Variants in DGKB observed in about 807,000 individuals in gnomAD.
The protein encoded by DGKB is diacylglycerol kinase beta.
Under a neutral mutation model 114.3 loss-of-function variants are expected in DGKB, and 67 were observed. The ratio of observed to expected loss-of-function variants is 0.59; its 90% confidence interval spans 0.48 to 0.72. The LOEUF is 0.72. Ranked by LOEUF, DGKB falls within the 30% of genes least tolerant of loss-of-function variation. DGKB has a pLI of 0.00. For missense variants in DGKB, 907 were observed against 975.2 expected (o/e 0.93, Z 0.93); for synonymous variants, 398 against 323.1 (o/e 1.23, Z -2.49).
chr7:14,508,617 CT>C (rs1457190432), intron 20 of DGKB, among the ~76,000 whole-genome samples: 1 of 152,174 alleles, frequency 6.6e-6, no homozygotes, highest in Non-Finnish European at 1.5e-5. Flanking sequence ...CCCAGAATCT[CT>C]ACACCTTACT....
intron 23 of DGKB, among the ~76,000 whole-genome samples, chr7:14,313,826 G>A (rs1032250374): frequency 9.9e-4 from 151 of 152,294 alleles, no homozygotes; most frequent in African/African-American, 3.1e-3. Context: ...ACCTCTGGGG[G>A]CAGGGCACAG....
chr7:14,387,871 G>A (rs1820668627), intron 21 of DGKB, among the ~76,000 whole-genome samples: 1 of 141,424 alleles, frequency 7.1e-6, no homozygotes, highest in African/African-American at 2.5e-5. Flanking sequence ...ATCAGTTGAA[G>A]TGTCCTTTTC....
At chr7:14,782,187 G>C (rs576973834) in intron 2 of DGKB, among the ~76,000 whole-genome samples, 162 of 152,048 alleles carry the variant, frequency 1.1e-3, no homozygotes, top group African/African-American at 3.7e-3. Flanking sequence ...ACCAAACTCA[G>C]GCAATTTTTT....
intron 17 of DGKB, among the ~76,000 whole-genome samples, chr7:14,595,318 C>A (rs1802385946): frequency 6.6e-6 from 1 of 151,834 alleles, no homozygotes; most frequent in Admixed American, 6.6e-5. Flanking sequence ...TCTTTTTATT[C>A]ATCAAGTTAG....
intron 2 of DGKB, among the ~76,000 whole-genome samples, chr7:14,762,143 G>A (rs1220480634): frequency 6.6e-6 from 1 of 152,116 alleles, no homozygotes; most frequent in Non-Finnish European, 1.5e-5. Flanking sequence ...TTTCATCACT[G>A]TCAGAATCAA....
chr7:14,217,201 T>C (rs1356303167), intron 23 of DGKB, among the ~76,000 whole-genome samples: 1 of 149,018 alleles, frequency 6.7e-6, no homozygotes, highest in East Asian at 2.0e-4. Context: ...GTCCTATTTA[T>C]TTATTAAAAT....
chr7:14,948,896 A>G (rs1418854211), intron 1 of DGKB, among the ~76,000 whole-genome samples: 1 of 151,860 alleles, frequency 6.6e-6, no homozygotes, highest in East Asian at 1.9e-4. Context: ...AAATAAAGAA[A>G]TAGAAATATG....
At chr7:14,163,510 T>G (rs1397024791) in intron 25 of DGKB, among the ~76,000 whole-genome samples, 1 of 152,228 alleles carries the variant, frequency 6.6e-6, no homozygotes, top group Non-Finnish European at 1.5e-5. Flanking sequence ...CAAAAGCATT[T>G]ACTAATGAAG....
intron 23 of DGKB, among the ~76,000 whole-genome samples, chr7:14,207,843 C>G (rs10224519): frequency 0.46 from 69,644 of 151,730 alleles, 18,933 homozygotes; most frequent in African/African-American, 0.76. Context: ...GAAATGGATT[C>G]CAATACTCTA....
chr7:14,884,836 T>C (rs562812874), intron 1 of DGKB, among the ~76,000 whole-genome samples: 9 of 152,148 alleles, frequency 5.9e-5, no homozygotes, highest in East Asian at 1.9e-4. Context: ...TTCTCTTTCA[T>C]GCCACTTTTT....
intron 1 of DGKB, among the ~76,000 whole-genome samples, chr7:14,928,473 C>T (rs1784850732): frequency 6.6e-6 from 1 of 151,852 alleles, no homozygotes; most frequent in Non-Finnish European, 1.5e-5. Flanking sequence ...TGTTCTTTCA[C>T]AAATAAATAC....
intron 23 of DGKB, among the ~76,000 whole-genome samples, chr7:14,241,569 T>C (rs1793646434): frequency 6.6e-6 from 1 of 152,052 alleles, no homozygotes. Context: ...AAAAATATAT[T>C]GCAAATGAAA....
intron 20 of DGKB, among the ~76,000 whole-genome samples, chr7:14,509,783 G>A (rs919951116): frequency 6.6e-6 from 1 of 152,210 alleles, no homozygotes; most frequent in East Asian, 1.9e-4. Flanking sequence ...GTCTCCGCCA[G>A]ACTCGGGGTA....
chr7:14,653,173 A>G (rs1462321133), intron 13 of DGKB, among the ~76,000 whole-genome samples: 6 of 149,470 alleles, frequency 4.0e-5, no homozygotes, highest in Non-Finnish European at 8.9e-5. Context: ...CCAAAGGACT[A>G]TAAATCATGC....
intron 2 of DGKB, among the ~76,000 whole-genome samples, chr7:14,835,004 C>T (rs528463676): frequency 2.0e-5 from 3 of 152,086 alleles, no homozygotes; most frequent in African/African-American, 7.2e-5. Flanking sequence ...GTGTCTGAAG[C>T]AGTACAACAA....
chr7:14,181,730 AT>A (rs1287255420), intron 23 of DGKB, among the ~76,000 whole-genome samples: 1 of 152,198 alleles, frequency 6.6e-6, no homozygotes, highest in African/African-American at 2.4e-5. Flanking sequence ...ACTGAAATCC[AT>A]TTGTGTCTAT....
At position 14,672,980 on chromosome 7, in the gene DGKB, T is replaced by C. The variant is rs768191804; in HGVS notation, c.1083A>G (p.Gly361=). 13 of 1,579,484 alleles carry C rather than the reference T, an allele frequency of 8.2e-6. No homozygotes were observed. Among genetic ancestry groups the C allele is most frequent in the African/African-American group, 1.3e-5 (1 of 74,332 alleles). The change falls in exon 13 of 26, where the codon GGA becomes GGG. Residue 361 remains glycine, a synonymous_variant. Transcript: ENST00000402815. ...ASHLKPECDC[G]PLKDHILPPT... is the part of the protein sequence containing the mutation. ...GTGGTAAAATATGGTCCTTCAAAGG[T>C]CCACAGTCACATTCAGGTTTTAGAT... is the stretch of plus-strand genomic sequence containing the variant.
At chr7:14,674,457 A>G (rs981856419) in intron 12 of DGKB, among the ~76,000 whole-genome samples, 7 of 152,138 alleles carry the variant, frequency 4.6e-5, no homozygotes, top group African/African-American at 1.7e-4. Context: ...GGACCTAGTA[A>G]TTAACTTTCT....
chr7:14,654,902 G>T (rs1005352827), intron 13 of DGKB, among the ~76,000 whole-genome samples: 1 of 151,806 alleles, frequency 6.6e-6, no homozygotes, highest in Admixed American at 6.6e-5. Context: ...CAACTTAAAT[G>T]TAAGACCCAA....
Sources: gnomAD v4.1 joint callset for allele counts (sites outside exome capture counted in the v4.1 genomes callset) on GRCh38, gnomAD v4.1.1 for gene constraint, MANE v1.5 for transcripts, NCBI Gene and HGNC (gene_info 2026-07-23, HGNC 2026-07-21) for gene names.